The following PBRM1 variants were observed in gnomAD, a reference collection of about 807,000 sequenced individuals.
PBRM1 encodes the protein polybromo 1, also known as protein polybromo-1.
In PBRM1, 27 loss-of-function variants were observed where a neutral mutation model predicts 194.5. The observed-to-expected ratio is 0.14, with a 90% confidence interval of 0.10 to 0.19. The LOEUF is 0.19. Ranked by LOEUF, PBRM1 falls within the 10% of genes least tolerant of loss-of-function variation. The probability of loss-of-function intolerance (pLI) is 1.00; values close to 1 mark genes in which losing one functional copy is unlikely to be tolerated. For missense variants in PBRM1, 1,466 were observed against 2,077.2 expected, an observed-to-expected ratio of 0.71 and a Z score of 5.72; for synonymous variants, 655 against 693.2, an observed-to-expected ratio of 0.94 and a Z score of 0.87.
At chr3:52,597,076 G>T (rs534957467) in intron 17 of PBRM1, among the ~76,000 whole-genome samples, 155 of 152,250 alleles carry the variant, frequency 1.0e-3, no homozygotes, top group African/African-American at 3.5e-3. Context: ...TCCTCTGTGG[G>T]CATCGGCTGA....
chr3:52,638,719 A>T (rs1414035256), intron 10 of PBRM1, among the ~76,000 whole-genome samples: 2 of 151,602 alleles, frequency 1.3e-5, no homozygotes, highest in African/African-American at 2.4e-5. Flanking sequence ...TTAGCCTACC[A>T]AGTAGGTAGG....
chr3:52,663,022 A>C (rs950189083), intron 3 of PBRM1, among the ~76,000 whole-genome samples: 1 of 152,188 alleles, frequency 6.6e-6, no homozygotes, highest in African/African-American at 2.4e-5. Context: ...GGGCATAATA[A>C]ACTCTTGACT....
At chr3:52,617,651 T>C (rs2095034421) in intron 13 of PBRM1, 113 bp from the exon 16 acceptor site, 1 of 752,038 alleles carries the variant, frequency 1.3e-6, no homozygotes, top group South Asian at 2.0e-5. Context: ...ATGATTACAA[T>C]TTATTGATTA....
At chr3:52,596,309 G>A (rs547066209) in intron 17 of PBRM1, among the ~76,000 whole-genome samples, 3 of 151,182 alleles carry the variant, frequency 2.0e-5, no homozygotes. Flanking sequence ...TTGGTGGTGC[G>A]CGCCTGTAGT....
intron 2 of PBRM1, among the ~76,000 whole-genome samples, chr3:52,669,105 T>C (rs1266247527): frequency 6.6e-6 from 1 of 152,168 alleles, no homozygotes; most frequent in Non-Finnish European, 1.5e-5. Flanking sequence ...CCAAGTACTA[T>C]CAAATGCCTA....
At chr3:52,617,612 A>G in intron 13 of PBRM1, 74 bp from the exon 16 acceptor site, 1 of 1,034,840 alleles carries the variant, frequency 9.7e-7, no homozygotes, top group South Asian at 1.6e-5. Context: ...TGACCACAAA[A>G]TAAAACAAAT....
intron 1 of PBRM1, among the ~76,000 whole-genome samples, chr3:52,679,017 A>C (rs1243774030): frequency 1.3e-5 from 2 of 152,182 alleles, no homozygotes; most frequent in Middle Eastern, 3.2e-3. Flanking sequence ...ACATACTCTG[A>C]ATGGGTGGAG....
chr3:52,549,419 G>T (rs1043810264), intron 29 of PBRM1, among the ~76,000 whole-genome samples: 2 of 152,004 alleles, frequency 1.3e-5, no homozygotes, highest in African/African-American at 4.8e-5. Flanking sequence ...GTCCACTTCA[G>T]CCTCCCAAAG....
intron 8 of PBRM1, among the ~76,000 whole-genome samples, chr3:52,644,195 T>G (rs184975532): frequency 1.3e-5 from 2 of 152,014 alleles, no homozygotes; most frequent in Non-Finnish European, 2.9e-5. Flanking sequence ...TATATAGTGA[T>G]GTAAAGTTTT....
rs746113928 is a variant in PBRM1 at position 52,627,259 on chromosome 3, A to G, written c.1541+14T>C. On this transcript the variant is annotated intron_variant, in intron 13 of 29. Transcript: ENST00000296302. ...AGGAACTGAGATGTCCCCAGCTATA[A>G]GAAGAGTATATACCTTTTTCTTTTG... The G allele has an allele frequency of 1.4e-6, 2 of 1,441,858 alleles. No homozygotes were observed. The highest frequency in any genetic ancestry group is 1.7e-5 in the Admixed American group (1 of 58,560). 89.3% of individuals were successfully genotyped at this position (1,441,858 alleles called of 1,614,324 possible).
intron 5 of PBRM1, among the ~76,000 whole-genome samples, chr3:52,654,973 G>A (rs1283344313): frequency 2.0e-5 from 3 of 151,964 alleles, no homozygotes; most frequent in Non-Finnish European, 2.9e-5. Flanking sequence ...AATTTTTTTT[G>A]TAGAGACAGA....
At chr3:52,564,112 G>T (rs1409501820) in exon 23 of PBRM1, 2 of 1,613,782 alleles carry the variant, frequency 1.2e-6, no homozygotes, top group Non-Finnish European at 1.7e-6. Context: ...TCAATCCTTT[G>T]AATTTCTTCA....
rs1451469130 is a variant in PBRM1, at chr3:52,588,750, G to T, written c.2965+320C>A. 2.0e-5 allele frequency among the ~76,000 whole-genome samples: 3 copies of T among 151,770 alleles called. No homozygotes were observed. In the East Asian group the frequency reaches 5.8e-4, roughly 29 times the overall value. On this transcript the variant is annotated intron_variant, in intron 18 of 29. Coordinates refer to ENST00000296302, the Ensembl canonical transcript of PBRM1. ...TTTGTATCTTTTTAGTAGAGACAGG[G>T]TTTCACTGTGTTAGCCAGGATGGTC... is the stretch of plus-strand genomic sequence containing the variant.
intron 29 of PBRM1, 129 bp downstream of exon 31, chr3:52,550,292 G>GA: frequency 2.4e-6 from 1 of 417,130 alleles, no homozygotes; most frequent in East Asian, 3.6e-5. Flanking sequence ...AACCATTTAT[G>GA]AAATATATAA....
At chr3:52,610,665 G>A (rs931511983) in intron 15 of PBRM1, among the ~76,000 whole-genome samples, 1 of 152,208 alleles carries the variant, frequency 6.6e-6, no homozygotes, top group Admixed American at 6.5e-5. Context: ...CCGGCTGGGC[G>A]TGGTGGCTCA....
rs368416627 is a variant in PBRM1, at chr3:52,609,771, G to A, written c.2109C>T (p.Pro703=). 3.7e-6 allele frequency: 6 copies of A among 1,609,968 alleles called. No homozygotes were observed. The highest frequency in any genetic ancestry group is 5.1e-6 in the Non-Finnish European group (6 of 1,178,792). Residue 703 remains proline, a synonymous_variant, in exon 16 of 30, where the codon CCC becomes CCT. Coordinates refer to ENST00000296302, the Ensembl canonical transcript of PBRM1. The surrounding 1 kb of genome is among the most constrained non-coding windows in gnomAD (Gnocchi z 4.1). ...GACTTCGAATTTTTTCCATGTCCAT[G>A]GGCTTTTTAATAGTCAGATAGTAGT...
rs750354025 is a variant in PBRM1, at chr3:52,609,377, G to A, written c.2503C>T (p.Arg835Cys). The change falls in exon 16 of 30, where the codon CGT becomes TGT. Residue 835 changes from arginine (R) to cysteine (C), a missense_variant. Around this residue, in one of 5 missense-constraint regions of PBRM1, gnomAD observed 687 missense variants for 946.2 expected, o/e 0.73. Coordinates refer to ENST00000296302, the Ensembl canonical transcript of PBRM1. The surrounding 1 kb of genome is among the most constrained non-coding windows in gnomAD (Gnocchi z 4.1). ...TGCTCTTGAAATAAATCAAGCCGACGGTAGCGATTATTTTCAACATTCTTC... is the reference window on the plus strand; with the variant it reads ...TGCTCTTGAAATAAATCAAGCCGACAGTAGCGATTATTTTCAACATTCTTC... The A allele has an allele frequency of 1.1e-5, 17 of 1,613,528 alleles. No individual in the cohort carries two copies. The highest frequency in any genetic ancestry group is 3.3e-5 in the Admixed American group (2 of 59,996).
In PBRM1 at chr3:52,673,285, G is replaced by C. The variant is rs1051575830; in HGVS notation, c.237-4640C>G. Among the ~76,000 whole-genome samples, 5 of 151,596 alleles carry C rather than the reference G, an allele frequency of 3.3e-5. No individual in the cohort carries two copies. The East Asian group carries it at 5.8e-4, about 18-fold the overall frequency. On this transcript the variant is annotated intron_variant, in intron 2 of 29. Coordinates refer to ENST00000296302, the Ensembl canonical transcript of PBRM1. The stretch of plus-strand genomic sequence containing the variant: ...TTACAGGCATGAGCCACCGCGCCCA[G>C]CCATAAGAACTATTAATTTTTATAC...
At chr3:52,652,365 C>T (rs996370345) in intron 5 of PBRM1, among the ~76,000 whole-genome samples, 1 of 136,730 alleles carries the variant, frequency 7.3e-6, no homozygotes, top group Non-Finnish European at 1.6e-5. Context: ...GCCTGGGGGA[C>T]AAGAAAGAGA....
Sources: gnomAD v4.1 joint callset for allele counts (sites outside exome capture counted in the v4.1 genomes callset) on GRCh38, gnomAD v4.1.1 for gene constraint, gnomAD v4.1.1 regional missense constraint, Gnocchi (gnomAD v3.1) non-coding constraint, MANE v1.5 for transcripts, NCBI Gene and HGNC (gene_info 2026-07-23, HGNC 2026-07-21) for gene names.